The following TAF11L11 variants were observed in gnomAD, a reference collection of about 807,000 sequenced individuals.
TAF11L11 encodes TATA-box-binding protein-associated factor 11-like protein 11.
exon 1 of TAF11L11, chr5:17,605,324 T>A: frequency 2.5e-6 from 1 of 394,122 alleles, no homozygotes; most frequent in East Asian, 3.6e-5. Context: ...TGTTCGCAGG[T>A]TAAAGCCCAA....
chr5:17,604,939 C>A (rs1370477060), exon 1 of TAF11L11: 1 of 392,228 alleles, frequency 2.5e-6, no homozygotes, highest in African/African-American at 2.1e-5. Context: ...ATGTCATGGA[C>A]CTCACAGAAG....
chr5:17,605,593 G>A (rs76523493), downstream of TAF11L11, among the ~76,000 whole-genome samples: 4 of 151,280 alleles, frequency 2.6e-5, no homozygotes, highest in African/African-American at 4.9e-5. Flanking sequence ...TTTTAATGGT[G>A]TGTTGAGGTA....
downstream of TAF11L11, chr5:17,605,410 A>G (rs532496343): frequency 2.5e-5 from 10 of 392,790 alleles, no homozygotes; most frequent in Non-Finnish European, 4.0e-5. Flanking sequence ...CTGTTTGTGC[A>G]GGAATAAGTA....
exon 1 of TAF11L11, chr5:17,605,101 T>A: frequency 2.5e-6 from 1 of 394,848 alleles, no homozygotes; most frequent in Non-Finnish European, 4.5e-6. Flanking sequence ...AGCAGCTATC[T>A]CGCTACGAAG....
exon 1 of TAF11L11, chr5:17,604,895 C>A (rs1485414914): frequency 1.3e-5 from 5 of 391,268 alleles, no homozygotes; most frequent in African/African-American, 8.3e-5. Context: ...CTTGGAAGAA[C>A]CCAGGGATCA....
At chr5:17,605,449 C>T (rs143604046), downstream of TAF11L11, 1,777 of 389,980 alleles carry the variant, frequency 4.6e-3, 79 homozygotes, top group African/African-American at 0.034. Flanking sequence ...GACAGGACTG[C>T]ATTTGCTGGA....
At chr5:17,604,823 C>G (rs76436092) in exon 1 of TAF11L11, 5 of 388,384 alleles carry the variant, frequency 1.3e-5, no homozygotes, top group East Asian at 3.6e-5. Context: ...TGAGATGTTC[C>G]CCATGCCCCG....
At chr5:17,604,651 A>T in exon 1 of TAF11L11, 1 of 343,550 alleles carries the variant, frequency 2.9e-6, no homozygotes, top group East Asian at 4.2e-5. Flanking sequence ...AGTTATGGTT[A>T]AACTGGCACA....
At chr5:17,604,857 A>G (rs1250911626) in exon 1 of TAF11L11, 1 of 390,264 alleles carries the variant, frequency 2.6e-6, no homozygotes, top group Non-Finnish European at 4.5e-6. Context: ...AGCAACAAGG[A>G]TGGAATCCCT....
Position 17,605,162 on chromosome 5 carries a change from T to C in TAF11L11, c.382T>C (p.Ser128Pro), listed in dbSNP as rs956808665. Residue 128 changes from serine (S) to proline (P), a missense_variant, in exon 1 of 1, where the codon TCC (serine) becomes CCC (proline). Ser to Pro is a moderately conservative substitution (Grantham distance 74, BLOSUM62 -1). Transcript: ENST00000510838. Reference sequence around the variant, plus strand: ...AGCACGCATTGCAGCTCTGATGCAGTCCATCACTGGCAGATCGGTGTCTGA... The same window carrying C: ...AGCACGCATTGCAGCTCTGATGCAGCCCATCACTGGCAGATCGGTGTCTGA... The C allele has an allele frequency of 2.5e-5, 10 of 395,368 alleles. No homozygotes were observed. In the Admixed American group the frequency reaches 4.0e-4, roughly 16 times the overall value. The allele number at this position is 395,368 out of a possible 1,614,324, so 24.5% of individuals were successfully genotyped here.
exon 1 of TAF11L11, chr5:17,604,384 T>C (rs1362203013): frequency 6.3e-6 from 1 of 158,162 alleles, no homozygotes; most frequent in African/African-American, 2.4e-5. Context: ...CCTTCTCAGG[T>C]GAAGGTGACG....
downstream of TAF11L11, chr5:17,605,406 G>T (rs1052971756): frequency 2.3e-5 from 9 of 392,906 alleles, no homozygotes; most frequent in Non-Finnish European, 4.0e-5. Context: ...AGGTCTGTTT[G>T]TGCAGGAATA....
chr5:17,605,751 T>C (rs1739158546), downstream of TAF11L11, among the ~76,000 whole-genome samples: 1 of 151,456 alleles, frequency 6.6e-6, no homozygotes, highest in African/African-American at 2.4e-5. Context: ...TCTTAGCTTG[T>C]ATGCTTATAT....
downstream of TAF11L11, chr5:17,605,450 A>G (rs1739149738): frequency 2.6e-6 from 1 of 389,922 alleles, no homozygotes; most frequent in Admixed American, 4.5e-5. Context: ...ACAGGACTGC[A>G]TTTGCTGGAG....
chr5:17,605,063 A>G (rs1395864202), exon 1 of TAF11L11: 1 of 394,548 alleles, frequency 2.5e-6, no homozygotes, highest in Non-Finnish European at 4.5e-6. Flanking sequence ...TCAGAGGATG[A>G]CAACCCTGTT....
chr5:17,604,951 T>G, exon 1 of TAF11L11: 1 of 392,262 alleles, frequency 2.5e-6, no homozygotes, highest in Non-Finnish European at 4.5e-6. Context: ...TCACAGAAGG[T>G]GACAATGAAG....
chr5:17,604,326 C>T (rs930340767), exon 1 of TAF11L11: 1 of 151,786 alleles, frequency 6.6e-6, no homozygotes, highest in Admixed American at 6.6e-5. Flanking sequence ...GCTCACAACC[C>T]TAAGACATTG....
chr5:17,604,395 A>T (rs1419733318), exon 1 of TAF11L11: 1 of 160,280 alleles, frequency 6.2e-6, no homozygotes, highest in African/African-American at 2.4e-5. Context: ...GAAGGTGACG[A>T]CCACACAGCC....
At position 17,604,408 on chromosome 5, in the gene TAF11L11, AC is replaced by A. The variant is rs1448795522; in HGVS notation, c.-370del. On this transcript the variant is annotated 5_prime_UTR_variant, in exon 1 of 1. The change abolishes the stop of an existing upstream ORF in the 5' untranslated region. Coordinates refer to ENST00000510838, the Ensembl canonical transcript of TAF11L11. ...GTGAAGGTGACGACCACACAGCCAG[AC>A]CCATCCTGGAGGTCCCTCATGTGAC... is the stretch of plus-strand genomic sequence containing the variant. 1 of 162,330 alleles carries A rather than the reference AC, an allele frequency of 6.2e-6. No individual in the cohort carries two copies. The highest frequency in any genetic ancestry group is 1.3e-5 in the Non-Finnish European group (1 of 75,390). 10.1% of individuals were successfully genotyped at this position (162,330 alleles called of 1,614,324 possible).
Sources: allele counts gnomAD v4.1 joint callset (sites outside exome capture counted in the v4.1 genomes callset), GRCh38; gene constraint gnomAD v4.1.1; transcripts MANE v1.5; gene names NCBI Gene and HGNC (gene_info 2026-07-23, HGNC 2026-07-21).